Variants in PDE4D observed in about 807,000 individuals in gnomAD.
PDE4D encodes the protein 3',5'-cyclic-AMP phosphodiesterase 4D.
In PDE4D, 24 loss-of-function variants were observed where a neutral mutation model predicts 87.4. The ratio of observed to expected loss-of-function variants is 0.27; its 90% CI spans 0.20 to 0.39. The LOEUF (loss-of-function observed/expected upper bound fraction) is 0.39, where lower values mean the gene tolerates loss of function less well. PDE4D is among the 10% of genes least tolerant of loss of function. The probability of loss-of-function intolerance (pLI) is 1.00; values close to 1 mark genes in which losing one functional copy is unlikely to be tolerated. For synonymous variants in PDE4D, 384 were observed against 383.2 expected (o/e 1.00, Z -0.02); for missense variants, 714 against 1,041.0 (o/e 0.69, Z 4.32).
rs887583436 is a variant in PDE4D at position 59,033,853 on chromosome 5, T to C, written c.921+5006A>G. On this transcript the variant is annotated intron_variant, in intron 6 of 14. Transcript: ENST00000340635. ...AACTGAAAAAAAGAAATTTATCTAG[T>C]AATGATTAATTTATTGAATAATTAA... is the stretch of plus-strand genomic sequence containing the variant. Among the ~76,000 whole-genome samples the C allele has an allele frequency of 3.9e-5, 6 of 152,206 alleles. No homozygotes were observed. The East Asian group carries it at 1.2e-3, about 29-fold the overall frequency.
intron 3 of PDE4D, among the ~76,000 whole-genome samples, chr5:59,929,409 G>C (rs1327190625): frequency 6.6e-6 from 1 of 151,678 alleles, no homozygotes; most frequent in Non-Finnish European, 1.5e-5. Flanking sequence ...TCAAAACATA[G>C]GTGTTCACAC....
intron 1 of PDE4D, among the ~76,000 whole-genome samples, chr5:60,304,339 T>C (rs1754232672): frequency 6.6e-6 from 1 of 151,770 alleles, no homozygotes; most frequent in Admixed American, 6.6e-5. Flanking sequence ...GGTAGAGCCT[T>C]TGGTTGATGA....
chr5:59,737,989 A>G (rs753853603), intron 1 of PDE4D, among the ~76,000 whole-genome samples: 11 of 152,144 alleles, frequency 7.2e-5, no homozygotes, highest in Non-Finnish European at 1.5e-4. Flanking sequence ...CTATTTTTCT[A>G]TCAGTTCGTA....
At position 60,430,064 on chromosome 5, in the gene PDE4D, C is replaced by T. The variant is rs992714749; in HGVS notation, c.-90+57878G>A. ...ACGTTGCTTATTCCTTTGGCCCAGA[C>T]AGCTTTGTTGAGCCTGGTATCAAAG... On this transcript the variant is annotated intron_variant, in intron 1 of 16. Coordinates refer to the PDE4D transcript ENST00000502484. 4 of 523,812 alleles carry T rather than the reference C, an allele frequency of 7.6e-6. No homozygotes were observed. In the Admixed American group the frequency reaches 7.7e-5, roughly 10 times the overall value. 32.4% of individuals were successfully genotyped at this position (523,812 alleles called of 1,614,324 possible).
intron 1 of PDE4D, among the ~76,000 whole-genome samples, chr5:59,565,690 A>T (rs570254337): frequency 6.6e-6 from 1 of 152,354 alleles, no homozygotes; most frequent in East Asian, 1.9e-4. Flanking sequence ...TCAAGTACAG[A>T]TGGCAAAGCA....
chr5:60,126,786 G>A (rs1420812219), intron 2 of PDE4D, among the ~76,000 whole-genome samples: 4 of 152,162 alleles, frequency 2.6e-5, no homozygotes, highest in Admixed American at 6.6e-5. Flanking sequence ...AGGAGCTGCC[G>A]AGAACAAAGA....
At chr5:59,520,904 T>A (rs1165870223) in intron 1 of PDE4D, among the ~76,000 whole-genome samples, 1 of 147,788 alleles carries the variant, frequency 6.8e-6, no homozygotes, top group East Asian at 2.0e-4. Context: ...TATACACATA[T>A]ATACACGTTG....
chr5:59,501,194 T>G (rs138113387), intron 1 of PDE4D, among the ~76,000 whole-genome samples: 1 of 152,216 alleles, frequency 6.6e-6, no homozygotes, highest in East Asian at 1.9e-4. Flanking sequence ...CAATTTATCA[T>G]GTAGTCATTT....
intron 6 of PDE4D, among the ~76,000 whole-genome samples, chr5:59,035,059 C>T (rs936798246): frequency 1.3e-5 from 2 of 152,208 alleles, no homozygotes; most frequent in African/African-American, 2.4e-5. Context: ...AGGCCCAGGC[C>T]GCTGTCCTGC....
intron 1 of PDE4D, among the ~76,000 whole-genome samples, chr5:59,886,150 G>C (rs769007780): frequency 6.6e-6 from 1 of 152,172 alleles, no homozygotes; most frequent in Non-Finnish European, 1.5e-5. Flanking sequence ...CACTGTGCAA[G>C]GTCCTAACAT....
chr5:60,178,867 G>A (rs1784147146), intron 2 of PDE4D, among the ~76,000 whole-genome samples: 1 of 152,120 alleles, frequency 6.6e-6, no homozygotes, highest in Admixed American at 6.6e-5. Context: ...TTGGTGGTGT[G>A]TTAACTCTCT....
At chr5:60,161,138 A>C in intron 2 of PDE4D, among the ~76,000 whole-genome samples, 1 of 152,138 alleles carries the variant, frequency 6.6e-6, no homozygotes, top group East Asian at 1.9e-4. Flanking sequence ...CACTGAGAGA[A>C]GGGCCGCAAT....
At chr5:59,601,725 C>G (rs1827534341) in intron 1 of PDE4D, among the ~76,000 whole-genome samples, 1 of 152,082 alleles carries the variant, frequency 6.6e-6, no homozygotes, top group African/African-American at 2.4e-5. Context: ...CTTTCGTGCT[C>G]AACCAAAACT....
chr5:59,779,821 AT>A (rs966728379), intron 1 of PDE4D, among the ~76,000 whole-genome samples: 3 of 152,218 alleles, frequency 2.0e-5, no homozygotes, highest in Non-Finnish European at 4.4e-5. Context: ...CATGCCAAGT[AT>A]TTTTTTTAAT....
chr5:59,812,430 T>C (rs900755899), intron 1 of PDE4D, among the ~76,000 whole-genome samples: 2 of 152,156 alleles, frequency 1.3e-5, no homozygotes, highest in Non-Finnish European at 2.9e-5. Flanking sequence ...CCCAGCACTT[T>C]GGGAGGCCGA....
At chr5:60,119,062 G>C (rs1045931300) in intron 2 of PDE4D, among the ~76,000 whole-genome samples, 3 of 152,070 alleles carry the variant, frequency 2.0e-5, no homozygotes, top group Non-Finnish European at 2.9e-5. Flanking sequence ...CAAACTCCTG[G>C]TACAAAAAAT....
At chr5:58,976,120 G>T (rs1400981090) in intron 13 of PDE4D, among the ~76,000 whole-genome samples, 1 of 152,102 alleles carries the variant, frequency 6.6e-6, no homozygotes, top group African/African-American at 2.4e-5. Flanking sequence ...TGGTTCTGTG[G>T]GGTGTTTGTT....
chr5:59,462,320 AT>A (rs1270158759), intron 1 of PDE4D, among the ~76,000 whole-genome samples: 1 of 151,886 alleles, frequency 6.6e-6, no homozygotes, highest in Non-Finnish European at 1.5e-5. Flanking sequence ...CCCTGGCAAA[AT>A]TAGCTAGGGT....
chr5:60,036,466 A>C (rs2152863840), intron 2 of PDE4D, among the ~76,000 whole-genome samples: 1 of 152,336 alleles, frequency 6.6e-6, no homozygotes, highest in African/African-American at 2.4e-5. Flanking sequence ...TTGATGAGAT[A>C]GTGAAAAGGT....
Sources: allele counts gnomAD v4.1 joint callset (sites outside exome capture counted in the v4.1 genomes callset), GRCh38; gene constraint gnomAD v4.1.1; transcripts MANE v1.5; gene names NCBI Gene and HGNC (gene_info 2026-07-23, HGNC 2026-07-21).